Variants in GK5 observed in about 807,000 individuals in gnomAD.
GK5 encodes the protein glycerol kinase 5, also known as ATP:glycerol 3-phosphotransferase 5.
Under a neutral mutation model 77.3 loss-of-function variants are expected in GK5, and 39 were observed. The observed-to-expected ratio is 0.50, with a 90% CI of 0.39 to 0.66. GK5 has a LOEUF of 0.66. Among genes scored for constraint, GK5 ranks in the 30% least tolerant of loss-of-function variants. The probability of loss-of-function intolerance (pLI) is 0.00; values close to 1 mark genes in which losing one functional copy is unlikely to be tolerated. For missense variants in GK5, 487 were observed against 633.8 expected (o/e 0.77, Z 2.49); for synonymous variants, 211 against 208.0 (o/e 1.01, Z -0.13).
intron 1 of GK5, among the ~76,000 whole-genome samples, chr3:142,215,999 A>G (rs1220484387): frequency 6.6e-6 from 1 of 152,196 alleles, no homozygotes; most frequent in Non-Finnish European, 1.5e-5. Flanking sequence ...TTAAAAATAA[A>G]TTTTAAAAAA....
intron 3 of GK5, among the ~76,000 whole-genome samples, 188 bp downstream of exon 3, chr3:142,213,338 T>C (rs2064222527): frequency 1.3e-5 from 2 of 152,148 alleles, no homozygotes; most frequent in African/African-American, 2.4e-5. Context: ...TGGTATTATA[T>C]AATATAAGTC....
chr3:142,197,056 G>A (rs775548155), intron 5 of GK5, among the ~76,000 whole-genome samples: 1 of 152,006 alleles, frequency 6.6e-6, no homozygotes, highest in African/African-American at 2.4e-5. Context: ...GTGCGGGGGC[G>A]GGTGCCTGTA....
At chr3:142,182,156 C>G (rs878865697) in intron 10 of GK5, among the ~76,000 whole-genome samples, 1 of 152,032 alleles carries the variant, frequency 6.6e-6, no homozygotes, top group Admixed American at 6.6e-5. Context: ...GAAACAGAGC[C>G]CAAACTAGTA....
chr3:142,192,231 G>C (rs1430641901), intron 5 of GK5, among the ~76,000 whole-genome samples: 1 of 152,168 alleles, frequency 6.6e-6, no homozygotes, highest in Non-Finnish European at 1.5e-5. Flanking sequence ...CAAGGATACG[G>C]AGCAAGAGGA....
At chr3:142,186,549 G>T in intron 6 of GK5, 36 bp from the exon 7 acceptor site, 1 of 1,012,920 alleles carries the variant, frequency 9.9e-7, no homozygotes, top group Non-Finnish European at 1.5e-6. Flanking sequence ...TTTATTATCA[G>T]ATAGTATAAA....
At chr3:142,180,735 A>C (rs1332594408) in intron 11 of GK5, among the ~76,000 whole-genome samples, 1 of 152,194 alleles carries the variant, frequency 6.6e-6, no homozygotes, top group Non-Finnish European at 1.5e-5. Context: ...TCAGTAGAGA[A>C]ACTAAAGCAC....
chr3:142,218,391 A>AT (rs1361319470), intron 1 of GK5, among the ~76,000 whole-genome samples: 1 of 150,870 alleles, frequency 6.6e-6, no homozygotes, highest in Non-Finnish European at 1.5e-5. Context: ...AAAAAAAAAA[A>AT]AAATAGCTGG....
intron 1 of GK5, among the ~76,000 whole-genome samples, chr3:142,218,325 G>A (rs1217449291): frequency 2.0e-5 from 3 of 148,092 alleles, no homozygotes; most frequent in Non-Finnish European, 4.4e-5. Context: ...CTGAGCTCAG[G>A]AGTTCACAAC....
intron 4 of GK5, among the ~76,000 whole-genome samples, chr3:142,201,319 C>T (rs149911399): frequency 3.3e-5 from 5 of 152,318 alleles, no homozygotes; most frequent in Non-Finnish European, 5.9e-5. Context: ...ACTACTGATA[C>T]AGGCAACAAC....
chr3:142,214,880 T>C (rs1047076485), intron 2 of GK5, among the ~76,000 whole-genome samples: 2 of 152,182 alleles, frequency 1.3e-5, no homozygotes, highest in African/African-American at 2.4e-5. Context: ...AAAAAACAGT[T>C]TGCAGAAAAT....
intron 5 of GK5, among the ~76,000 whole-genome samples, chr3:142,191,931 G>C (rs900618505): frequency 2.6e-5 from 4 of 152,010 alleles, no homozygotes; most frequent in Non-Finnish European, 5.9e-5. Flanking sequence ...CATGAGTTTT[G>C]AGGCTATAAT....
chr3:142,168,275 T>G (rs1352048838), intron 15 of GK5, among the ~76,000 whole-genome samples: 1 of 152,200 alleles, frequency 6.6e-6, no homozygotes, highest in African/African-American at 2.4e-5. Context: ...CACGTGAAAG[T>G]AATAAGAGGA....
rs1437514672 is a variant in GK5 at position 142,213,597 on chromosome 3, T to G, written c.246A>C (p.Ala82=). The G allele has an allele frequency of 6.2e-7, 1 of 1,607,814 alleles. No homozygotes were observed. The highest frequency in any genetic ancestry group is 1.3e-5 in the African/African-American group (1 of 74,796). The change falls in exon 3 of 16, where the codon GCA becomes GCC. Residue 82 remains alanine, a synonymous_variant. Transcript: ENST00000392993. ...CAACAATTTGATTCATCTGTATTCC[T>G]GCAGCTAAAAGTAAAGATGGATAAA... ...VAVIKEAVKA[A]GIQMNQIVGL...
chr3:142,182,698 C>T (rs1458259974), intron 10 of GK5, among the ~76,000 whole-genome samples: 1 of 152,050 alleles, frequency 6.6e-6, no homozygotes, highest in African/African-American at 2.4e-5. Flanking sequence ...GAAAAATACC[C>T]AGAAAGCTGA....
rs541588663 is a variant in GK5 at position 142,213,556 on chromosome 3, G to T, written c.287C>A (p.Thr96Lys). 14 of 1,611,956 alleles carry T rather than the reference G, an allele frequency of 8.7e-6. No homozygotes were observed. The Admixed American group carries it at 1.3e-4, about 15-fold the overall frequency. ...MNQIVGLGIS[T>K]QRATFITWNK... The stretch of plus-strand genomic sequence containing the variant: ...CCACGTAATAAAAGTTGCTCTCTGT[G>T]TTGAAATGCCAAGACCAACAATTTG... The change falls in exon 3 of 16, where the codon ACA becomes AAA. Residue 96 changes from threonine (T) to lysine (K), a missense_variant. Transcript: ENST00000392993.
intron 4 of GK5, among the ~76,000 whole-genome samples, chr3:142,202,055 A>T (rs1285996578): frequency 6.6e-6 from 1 of 152,142 alleles, no homozygotes; most frequent in African/African-American, 2.4e-5. Flanking sequence ...GTGCATGTAC[A>T]ATGGCCTTAA....
chr3:142,190,335 A>C (rs937419491), intron 5 of GK5, among the ~76,000 whole-genome samples: 3 of 152,156 alleles, frequency 2.0e-5, no homozygotes, highest in African/African-American at 7.2e-5. Context: ...ATAGGTAAAG[A>C]GCTTGGAAGT....
chr3:142,225,289 C>G lies in GK5; in HGVS notation c.147+20G>C. Reference sequence around the variant, plus strand: ...GCGAAACCCAGTCAGACCCGCGCCCCACGCCCGCCCCCAAGTCACCTTCTG... The same window carrying G: ...GCGAAACCCAGTCAGACCCGCGCCCGACGCCCGCCCCCAAGTCACCTTCTG... On this transcript the variant is annotated intron_variant, in intron 1 of 15. Coordinates refer to ENST00000392993, the MANE Select transcript of GK5 (RefSeq NM_001039547.3). 1 of 1,525,242 alleles carries G rather than the reference C, an allele frequency of 6.6e-7. No individual in the cohort carries two copies. The allele number at this position is 1,525,242 out of a possible 1,614,324, so 94.5% of individuals were successfully genotyped here. A position where few individuals can be genotyped will look rare whatever the true frequency, so the allele number is the denominator to read the frequency against.
chr3:142,174,686 A>C (rs1296779305), intron 12 of GK5, among the ~76,000 whole-genome samples: 1 of 152,190 alleles, frequency 6.6e-6, no homozygotes, highest in Admixed American at 6.5e-5. Context: ...TTGAATCCAC[A>C]GGCCCTGTTA....
Sources: allele counts gnomAD v4.1 joint callset (sites outside exome capture counted in the v4.1 genomes callset), GRCh38; gene constraint gnomAD v4.1.1; transcripts MANE v1.5; gene names NCBI Gene and HGNC (gene_info 2026-07-23, HGNC 2026-07-21).